GPC6: variants seen among roughly 807,000 people sequenced by gnomAD.
GPC6 encodes the protein glypican 6.
GPC6 carries 14 observed loss-of-function variants against 55.2 expected under a neutral mutation model. The observed-to-expected ratio is 0.25, with a 90% CI of 0.17 to 0.40. The LOEUF (loss-of-function observed/expected upper bound fraction) is 0.40, where lower values mean the gene tolerates loss of function less well. Ranked by LOEUF, GPC6 falls within the 10% of genes least tolerant of loss-of-function variation. The pLI is 1.00. For missense variants in GPC6, 641 were observed against 708.5 expected, an observed-to-expected ratio of 0.90 and a Z score of 1.08; for synonymous variants, 278 against 259.6, an observed-to-expected ratio of 1.07 and a Z score of -0.68.
At chr13:93,716,331 A>G (rs772277425) in intron 2 of GPC6, among the ~76,000 whole-genome samples, 2 of 151,570 alleles carry the variant, frequency 1.3e-5, no homozygotes, top group Admixed American at 6.6e-5. Context: ...GAGAAGCATT[A>G]TTGTCATAGG....
chr13:93,545,532 A>T, intron 2 of GPC6, 111 bp downstream of exon 2: 1 of 900,962 alleles, frequency 1.1e-6, no homozygotes, highest in East Asian at 2.5e-5. Flanking sequence ...ATCCCTCTTA[A>T]ATATTTATAG....
chr13:93,481,017 A>G (rs528471900), intron 1 of GPC6, among the ~76,000 whole-genome samples: 2 of 152,158 alleles, frequency 1.3e-5, no homozygotes, highest in Non-Finnish European at 2.9e-5. Flanking sequence ...AAACATCCAG[A>G]TTGTTTCCTG....
chr13:93,494,852 C>G (rs111621996), intron 1 of GPC6, among the ~76,000 whole-genome samples: 2 of 148,320 alleles, frequency 1.3e-5, no homozygotes, highest in Non-Finnish European at 3.0e-5. Context: ...AATATTGGCC[C>G]CCACTCTCTT....
At chr13:94,285,142 G>A (rs1430842980) in intron 4 of GPC6, among the ~76,000 whole-genome samples, 1 of 152,174 alleles carries the variant, frequency 6.6e-6, no homozygotes, top group African/African-American at 2.4e-5. Flanking sequence ...TATCAAAAAT[G>A]TATTATCTTG....
At chr13:93,674,476 C>G (rs141932791) in intron 2 of GPC6, among the ~76,000 whole-genome samples, 92 of 152,244 alleles carry the variant, frequency 6.0e-4, no homozygotes, top group Non-Finnish European at 1.0e-3. Context: ...TTATCTTGTG[C>G]TTATTAACTA....
intron 3 of GPC6, among the ~76,000 whole-genome samples, chr13:94,019,776 G>A (rs949474125): frequency 2.6e-5 from 4 of 152,120 alleles, no homozygotes; most frequent in Non-Finnish European, 5.9e-5. Context: ...CATGCATTTT[G>A]TCAGGATTCT....
intron 6 of GPC6, among the ~76,000 whole-genome samples, chr13:94,340,205 T>A (rs915495941): frequency 6.6e-6 from 1 of 152,290 alleles, no homozygotes; most frequent in Admixed American, 6.5e-5. Flanking sequence ...CTCCTGGTAA[T>A]AGCAGGACTG....
intron 4 of GPC6, among the ~76,000 whole-genome samples, chr13:94,049,592 C>T (rs751988232): frequency 2.0e-5 from 3 of 152,138 alleles, no homozygotes; most frequent in Non-Finnish European, 4.4e-5. Flanking sequence ...CCTGCTCCTG[C>T]ACTGCTCTTG....
chr13:94,032,205 C>G (rs1883167109), intron 4 of GPC6, among the ~76,000 whole-genome samples: 1 of 152,134 alleles, frequency 6.6e-6, no homozygotes, highest in Non-Finnish European at 1.5e-5. Context: ...TAATTCAACT[C>G]ACTATATTGG....
intron 1 of GPC6, among the ~76,000 whole-genome samples, chr13:93,302,622 T>C (rs1878720451): frequency 6.6e-6 from 1 of 152,212 alleles, no homozygotes; most frequent in Non-Finnish European, 1.5e-5. Flanking sequence ...CCAGGAAACA[T>C]ACATGATTGA....
At chr13:94,121,255 G>A (rs374019894) in intron 4 of GPC6, among the ~76,000 whole-genome samples, 1 of 152,060 alleles carries the variant, frequency 6.6e-6, no homozygotes, top group African/African-American at 2.4e-5. Flanking sequence ...CTTCATTCTT[G>A]TGTTCCCAGA....
chr13:93,390,306 C>T (rs143041764), intron 1 of GPC6, among the ~76,000 whole-genome samples: 1 of 152,064 alleles, frequency 6.6e-6, no homozygotes, highest in Non-Finnish European at 1.5e-5. Flanking sequence ...CAGGGGTGAC[C>T]AGTGGGAGGG....
At chr13:93,505,069 G>A (rs1047593960) in intron 1 of GPC6, among the ~76,000 whole-genome samples, 4 of 152,114 alleles carry the variant, frequency 2.6e-5, no homozygotes, top group Non-Finnish European at 4.4e-5. Flanking sequence ...TGATGGAAAC[G>A]GATGTGAAAG....
At chr13:93,853,025 C>T (rs968299205) in intron 3 of GPC6, among the ~76,000 whole-genome samples, 6 of 151,670 alleles carry the variant, frequency 4.0e-5, no homozygotes, top group Non-Finnish European at 7.4e-5. Context: ...AAAATAATTA[C>T]AAATATTTCT....
At chr13:94,246,303 C>A (rs190006069) in intron 4 of GPC6, among the ~76,000 whole-genome samples, 1 of 152,078 alleles carries the variant, frequency 6.6e-6, no homozygotes, top group Admixed American at 6.6e-5. Context: ...TTTTCTCAAC[C>A]TGTAGGTTGT....
At position 94,394,711 on chromosome 13, in the gene GPC6, A is replaced by C. The variant is rs142022045; in HGVS notation, c.1290-3755A>C. ...AAAATGACCATTTTTATTTTCAGCT[A>C]TTTTAGGTTTAAGTTTTCACAATGT... On this transcript the variant is annotated intron_variant, in intron 7 of 8. Coordinates refer to ENST00000377047, the MANE Select transcript of GPC6 (RefSeq NM_005708.5). 2.8e-3 allele frequency among the ~76,000 whole-genome samples: 429 copies of C among 152,294 alleles called. 1 individual carries two copies. Among genetic ancestry groups the C allele is most frequent in the Non-Finnish European group, 3.9e-3 (267 of 68,022 alleles).
At chr13:93,743,371 G>T (rs536761912) in intron 2 of GPC6, among the ~76,000 whole-genome samples, 1 of 151,988 alleles carries the variant, frequency 6.6e-6, no homozygotes, top group Non-Finnish European at 1.5e-5. Context: ...ATTAAAAAAC[G>T]ATATAATGTG....
chr13:93,506,563 C>A (rs1408789661), intron 1 of GPC6, among the ~76,000 whole-genome samples: 1 of 152,098 alleles, frequency 6.6e-6, no homozygotes, highest in African/African-American at 2.4e-5. Context: ...ATAAACTCTT[C>A]CAGGCTACCA....
intron 4 of GPC6, among the ~76,000 whole-genome samples, chr13:94,056,108 C>T (rs1884123599): frequency 6.6e-6 from 1 of 152,186 alleles, no homozygotes; most frequent in Non-Finnish European, 1.5e-5. Flanking sequence ...ATTTGTCAGT[C>T]ATCTGTGATA....
Sources: gnomAD v4.1 joint callset for allele counts (sites outside exome capture counted in the v4.1 genomes callset) on GRCh38, gnomAD v4.1.1 for gene constraint, MANE v1.5 for transcripts, NCBI Gene and HGNC (gene_info 2026-07-23, HGNC 2026-07-21) for gene names.